HAO1: variants seen among roughly 807,000 people sequenced by gnomAD.
HAO1 encodes 2-Hydroxyacid oxidase 1.
Under a neutral mutation model 39.7 loss-of-function variants are expected in HAO1, and 34 were observed. The observed-to-expected ratio is 0.86, with a 90% confidence interval of 0.65 to 1.14. The LOEUF (loss-of-function observed/expected upper bound fraction) is 1.14. Ranked by LOEUF, HAO1 falls within the 50% of genes most tolerant of loss-of-function variation. HAO1 has a pLI of 0.00. For synonymous variants in HAO1, 172 were observed against 173.2 expected, an observed-to-expected ratio of 0.99 and a Z score of 0.05; for missense variants, 479 against 464.5, an observed-to-expected ratio of 1.03 and a Z score of -0.29.
chr20:7,928,967 G>C (rs1338812236), intron 2 of HAO1, among the ~76,000 whole-genome samples: 4 of 152,080 alleles, frequency 2.6e-5, no homozygotes, highest in African/African-American at 9.7e-5. Flanking sequence ...CTGCTCCCTT[G>C]GGTCATCAAG....
Position 7,923,620 on chromosome 20 carries a change from G to T in HAO1, c.290-9201C>A, listed in dbSNP as rs78529797. On this transcript the variant is annotated intron_variant, in intron 2 of 7. Coordinates refer to ENST00000378789, the MANE Select transcript of HAO1 (RefSeq NM_017545.3). ...GAACAATATCCATCTACATCTAATA[G>T]TGTCATGTGTGAAGACCTGAACTAT... 7.4e-4 allele frequency among the ~76,000 whole-genome samples: 113 copies of T among 152,276 alleles called. 1 individual carries two copies. The East Asian group carries it at 0.017, about 23-fold the overall frequency.
chr20:7,931,316 A>G (rs536871108), intron 2 of HAO1, among the ~76,000 whole-genome samples: 1 of 152,216 alleles, frequency 6.6e-6, no homozygotes, highest in South Asian at 2.1e-4. Context: ...TGCTCCTAAA[A>G]CTATAATTAC....
intron 3 of HAO1, among the ~76,000 whole-genome samples, chr20:7,907,468 A>T (rs936369238): frequency 6.6e-6 from 1 of 152,128 alleles, no homozygotes; most frequent in Non-Finnish European, 1.5e-5. Flanking sequence ...TCTTGGTATT[A>T]TGCCCTTTGT....
chr20:7,888,377 T>A (rs2050159608), intron 5 of HAO1, among the ~76,000 whole-genome samples: 2 of 152,116 alleles, frequency 1.3e-5, no homozygotes, highest in African/African-American at 4.8e-5. Context: ...CAACTTCTGC[T>A]AGCAAGGAGC....
chr20:7,915,388 G>A (rs558667496), intron 2 of HAO1, among the ~76,000 whole-genome samples: 3 of 151,904 alleles, frequency 2.0e-5, no homozygotes, highest in Admixed American at 2.0e-4. Context: ...AGGGGAAGGA[G>A]AAGGGGAAGA....
At chr20:7,908,220 T>C (rs949203605) in intron 3 of HAO1, among the ~76,000 whole-genome samples, 1 of 151,816 alleles carries the variant, frequency 6.6e-6, no homozygotes, top group Non-Finnish European at 1.5e-5. Flanking sequence ...TGAAACCCAG[T>C]CTCTACTAAA....
At chr20:7,889,677 CTG>C in intron 5 of HAO1, among the ~76,000 whole-genome samples, 1 of 152,154 alleles carries the variant, frequency 6.6e-6, no homozygotes, top group Non-Finnish European at 1.5e-5. Flanking sequence ...TAAGCAAACT[CTG>C]TGATTTATAT....
intron 4 of HAO1, among the ~76,000 whole-genome samples, chr20:7,896,487 A>G (rs2050198376): frequency 6.6e-6 from 1 of 152,138 alleles, no homozygotes; most frequent in Non-Finnish European, 1.5e-5. Context: ...CATTTTCCAA[A>G]CTTTGTTTTA....
chr20:7,926,170 CTT>C (rs1382142527), intron 2 of HAO1, among the ~76,000 whole-genome samples: 1 of 152,082 alleles, frequency 6.6e-6, no homozygotes, highest in Non-Finnish European at 1.5e-5. Context: ...GTGAAACAGA[CTT>C]AGGTTCAAAC....
intron 2 of HAO1, among the ~76,000 whole-genome samples, chr20:7,924,611 G>A (rs1358097266): frequency 6.6e-6 from 1 of 151,868 alleles, no homozygotes; most frequent in African/African-American, 2.4e-5. Context: ...AATTCATATG[G>A]GACTAATCAT....
rs1391968637 is a variant in HAO1, at chr20:7,940,416, G to A, written c.7C>T (p.Pro3Ser). ML[P>S]RLICINDYEQ... ...TAATCATTGATACAAATTAGCCGGG[G>A]GAGCATTTTCACAGGTTATTGCTAT... Residue 3 changes from proline (P) to serine (S), a missense_variant, in exon 1 of 8, where the codon CCC (proline) becomes TCC (serine). Coordinates refer to ENST00000378789, the MANE Select transcript of HAO1 (RefSeq NM_017545.3). 13 of 1,605,530 alleles carry A rather than the reference G, an allele frequency of 8.1e-6. No individual in the cohort carries two copies. The highest frequency in any genetic ancestry group is 1.4e-5 in the African/African-American group (1 of 73,998).
chr20:7,933,592 A>G (rs2050396402), intron 2 of HAO1, among the ~76,000 whole-genome samples: 1 of 152,258 alleles, frequency 6.6e-6, no homozygotes, highest in Non-Finnish European at 1.5e-5. Flanking sequence ...TATCCCTGAC[A>G]GAATTTTATG....
chr20:7,933,187 A>G (rs2050393520), intron 2 of HAO1, among the ~76,000 whole-genome samples: 1 of 152,000 alleles, frequency 6.6e-6, no homozygotes, highest in Admixed American at 6.6e-5. Flanking sequence ...TGAGCAATAT[A>G]TTATTTTCTT....
intron 2 of HAO1, among the ~76,000 whole-genome samples, chr20:7,915,702 T>C (rs1323637138): frequency 6.6e-6 from 1 of 152,164 alleles, no homozygotes; most frequent in Non-Finnish European, 1.5e-5. Context: ...TCTGGAGAAC[T>C]CTGGGTATTA....
At chr20:7,885,920 C>T (rs2050149388) in intron 5 of HAO1, 56 bp from the exon 6 acceptor site, 2 of 1,463,394 alleles carry the variant, frequency 1.4e-6, no homozygotes, top group South Asian at 2.4e-5. Context: ...TGTTATTCAA[C>T]TCCACCTCCA....
intron 5 of HAO1, among the ~76,000 whole-genome samples, chr20:7,892,448 C>T (rs1235048116): frequency 2.6e-5 from 4 of 152,168 alleles, no homozygotes; most frequent in East Asian, 1.9e-4. Context: ...AAAAACTCAA[C>T]GCAATATGCA....
At chr20:7,895,552 T>C (rs1484597194) in intron 4 of HAO1, among the ~76,000 whole-genome samples, 1 of 151,980 alleles carries the variant, frequency 6.6e-6, no homozygotes, top group East Asian at 1.9e-4. Context: ...GATTATACCA[T>C]TTTATCATTT....
At position 7,906,283 on chromosome 20, in the gene HAO1, T is replaced by G; in HGVS notation, c.592A>C (p.Asn198His). 5 of 1,612,218 alleles carry G rather than the reference T, an allele frequency of 3.1e-6. No individual in the cohort carries two copies. The highest frequency in any genetic ancestry group is 4.2e-6 in the Non-Finnish European group (5 of 1,178,360). ...TSTLSFSPEE[N>H]FGDDSGLAAY... ...GCAAGTCCACTGTCGTCTCCAAAAT[T>G]TTCCTCAGGAGAAAATGATAAAGTA... Residue 198 changes from asparagine to histidine, a missense_variant, in exon 4 of 8, where the codon AAT becomes CAT. By Grantham distance (68) the Asn-to-His change is moderately conservative. Transcript: ENST00000378789.
chr20:7,884,190 T>C (rs1329930261), intron 7 of HAO1, among the ~76,000 whole-genome samples: 2 of 152,218 alleles, frequency 1.3e-5, no homozygotes, highest in African/African-American at 2.4e-5. Context: ...TAGTCACTAG[T>C]AGTATTTTAA....
Sources: allele counts gnomAD v4.1 joint callset (sites outside exome capture counted in the v4.1 genomes callset), GRCh38; gene constraint gnomAD v4.1.1; transcripts MANE v1.5; gene names NCBI Gene and HGNC (gene_info 2026-07-23, HGNC 2026-07-21).